C5orf52: variants seen among roughly 807,000 people sequenced by gnomAD.
C5orf52 encodes the protein uncharacterized protein C5orf52.
C5orf52 carries 15 observed loss-of-function variants against 16.8 expected under a neutral mutation model. The observed-to-expected ratio is 0.89, with a 90% CI of 0.60 to 1.38. C5orf52 has a LOEUF of 1.38. C5orf52 is among the 40% of genes most tolerant of loss of function. The pLI is 0.00. For synonymous variants in C5orf52, 83 were observed against 87.2 expected (o/e 0.95, Z 0.27); for missense variants, 206 against 213.1 (o/e 0.97, Z 0.21).
chr5:157,674,399 C>T (rs1378330996), intron 1 of C5orf52, among the ~76,000 whole-genome samples: 1 of 152,158 alleles, frequency 6.6e-6, no homozygotes, highest in Non-Finnish European at 1.5e-5. Flanking sequence ...CCTTCTGAAT[C>T]CTACCCTACA....
chr5:157,679,958 A>C lies in C5orf52; in HGVS notation c.439A>C (p.Ser147Arg). Residue 147 changes from serine to arginine, a missense_variant, in exon 3 of 3, where the codon AGC (serine) becomes CGC (arginine). Coordinates refer to ENST00000409999, the MANE Select transcript of C5orf52 (RefSeq NM_001145132.2). ...LGRWREESVN[S>R]NRYLTFGIPP... is the part of the protein sequence containing the mutation. ...GCGATGGAGAGAGGAATCCGTGAAC[A>C]GCAACCGGTACTTAACCTTCGGGAT... 1 of 1,551,732 alleles carries C rather than the reference A, an allele frequency of 6.4e-7. No individual in the cohort carries two copies. The highest frequency in any genetic ancestry group is 8.7e-7 in the Non-Finnish European group (1 of 1,147,000).
chr5:157,675,139 G>A lies in C5orf52; in HGVS notation c.260G>A (p.Ser87Asn), dbSNP rs1024615316. The A allele has an allele frequency of 2.6e-6, 4 of 1,551,496 alleles. No individual in the cohort carries two copies. Among genetic ancestry groups the A allele is most frequent in the Non-Finnish European group, 3.5e-6 (4 of 1,146,864 alleles). Reference protein sequence around the residue: ...EAAMKKTLPKSHLSRVIIHDN... With the variant: ...EAAMKKTLPKNHLSRVIIHDN... ...GCGATGAAAAAAACTTTACCCAAGA[G>A]CCATTTATCTCGGGTGATTATTCAT... The change falls in exon 2 of 3, where the codon AGC becomes AAC. Residue 87 changes from serine (S) to asparagine (N), a missense_variant. By Grantham distance (46) the Ser-to-Asn change is conservative (BLOSUM62 1). Coordinates refer to ENST00000409999, the MANE Select transcript of C5orf52 (RefSeq NM_001145132.2).
chr5:157,677,813 GTC>G (rs776167126), intron 2 of C5orf52, among the ~76,000 whole-genome samples: 39 of 151,776 alleles, frequency 2.6e-4, no homozygotes, highest in Non-Finnish European at 4.4e-4. Context: ...GTGAAACCCT[GTC>G]TCTACTAAAA....
At chr5:157,679,650 G>A (rs1759969895) in intron 2 of C5orf52, among the ~76,000 whole-genome samples, 191 bp from the exon 3 acceptor site, 2 of 152,102 alleles carry the variant, frequency 1.3e-5, no homozygotes, top group Admixed American at 6.6e-5. Flanking sequence ...GAGTTATCTA[G>A]CTTAATGCAT....
At chr5:157,677,586 C>T (rs770526857) in intron 2 of C5orf52, among the ~76,000 whole-genome samples, 5 of 147,074 alleles carry the variant, frequency 3.4e-5, no homozygotes, top group Admixed American at 1.4e-4. Context: ...CCCTGGAGGC[C>T]GAGGTTGCGA....
At chr5:157,676,636 G>C (rs1759898931) in intron 2 of C5orf52, among the ~76,000 whole-genome samples, 1 of 152,162 alleles carries the variant, frequency 6.6e-6, no homozygotes, top group Non-Finnish European at 1.5e-5. Context: ...TCCAGACTCT[G>C]CTTTCTCATT....
At chr5:157,676,535 A>AT (rs1280626719) in intron 2 of C5orf52, among the ~76,000 whole-genome samples, 2 of 152,166 alleles carry the variant, frequency 1.3e-5, no homozygotes, top group Non-Finnish European at 2.9e-5. Flanking sequence ...GGACCCGGGC[A>AT]TTTCTCTTTC....
At chr5:157,678,674 T>C (rs536411658) in intron 2 of C5orf52, among the ~76,000 whole-genome samples, 15 of 152,246 alleles carry the variant, frequency 9.9e-5, no homozygotes, top group Non-Finnish European at 2.2e-4. Flanking sequence ...TTGGCCAGGC[T>C]GATCTCAAAC....
At position 157,679,930 on chromosome 5, in the gene C5orf52, C is replaced by T. The variant is rs555792374; in HGVS notation, c.411C>T (p.Leu137=). 3.7e-5 allele frequency: 58 copies of T among 1,551,754 alleles called. No individual in the cohort carries two copies. The highest frequency in any genetic ancestry group is 3.3e-4 in the Middle Eastern group (2 of 5,992). ...TCATGACAGAGCAGCTCAGAAAGCTCGGGCGATGGAGAGAGGAATCCGTGA... is the reference window on the plus strand; with the variant it reads ...TCATGACAGAGCAGCTCAGAAAGCTTGGGCGATGGAGAGAGGAATCCGTGA... The part of the protein sequence containing the change: ...KKFMTEQLRK[L]GRWREESVNS... Residue 137 remains leucine, a synonymous_variant, in exon 3 of 3, where the codon CTC becomes CTT. Transcript: ENST00000409999.
At chr5:157,673,371 A>AGACAC (rs1201008974) in intron 1 of C5orf52, among the ~76,000 whole-genome samples, 2 of 151,450 alleles carry the variant, frequency 1.3e-5, no homozygotes, top group African/African-American at 4.9e-5. Flanking sequence ...AAGAAAAATA[A>AGACAC]GACTAGCAGC....
At position 157,678,939 on chromosome 5, in the gene C5orf52, C is replaced by A. The variant is rs184847550; in HGVS notation, c.322-902C>A. Among the ~76,000 whole-genome samples, 1,083 of 151,926 alleles carry A rather than the reference C, an allele frequency of 7.1e-3. 7 individuals are homozygous for A. Among genetic ancestry groups the A allele is most frequent in the South Asian group, 0.039 (185 of 4,792 alleles). Reference sequence around the variant, plus strand: ...CACGAGGTCAGGAGATCGAGACCATCCTGGCTAACATGGTGAAACCCCGTC... The same window carrying A: ...CACGAGGTCAGGAGATCGAGACCATACTGGCTAACATGGTGAAACCCCGTC... On this transcript the variant is annotated intron_variant, in intron 2 of 2. Transcript: ENST00000409999.
In C5orf52 at chr5:157,679,975, C is replaced by G. The variant is rs1423876106; in HGVS notation, c.456C>G (p.Thr152=). The change falls in exon 3 of 3, where the codon ACC becomes ACG. Residue 152 remains threonine, a synonymous_variant. Coordinates refer to ENST00000409999, the MANE Select transcript of C5orf52 (RefSeq NM_001145132.2). ...CCGTGAACAGCAACCGGTACTTAAC[C>G]TTCGGGATACCACCACCAGTTTAAA... ...EESVNSNRYL[T]FGIPPPV 1 of 1,551,520 alleles carries G rather than the reference C, an allele frequency of 6.4e-7. No individual in the cohort carries two copies. Among genetic ancestry groups the G allele is most frequent in the Admixed American group, 2.0e-5 (1 of 50,940 alleles).
At chr5:157,678,950 T>A (rs1228195243) in intron 2 of C5orf52, among the ~76,000 whole-genome samples, 1 of 151,806 alleles carries the variant, frequency 6.6e-6, no homozygotes, top group African/African-American at 2.4e-5. Context: ...CTGGCTAACA[T>A]GGTGAAACCC....
chr5:157,671,693 A>C lies in C5orf52; in HGVS notation c.79A>C (p.Thr27Pro), dbSNP rs766457680. Residue 27 changes from threonine (T) to proline (P), a missense_variant, in exon 1 of 3, where the codon ACC becomes CCC. Coordinates refer to ENST00000409999, the MANE Select transcript of C5orf52 (RefSeq NM_001145132.2). The stretch of plus-strand genomic sequence containing the variant: ...CGGCGGGACCGCCGCCCAGGCGACC[A>C]CCAGTTCCAGCGCCACCTCGGGTTC... ...TIGGTAAQAT[T>P]SSSATSGSNY... 8.4e-6 allele frequency: 13 copies of C among 1,551,288 alleles called. No homozygotes were observed. In the South Asian group the frequency reaches 1.4e-4, roughly 17 times the overall value.
Position 157,675,140 on chromosome 5 carries a change from C to A in C5orf52, c.261C>A (p.Ser87Arg). 1 of 1,551,504 alleles carries A rather than the reference C, an allele frequency of 6.4e-7. No homozygotes were observed. The highest frequency in any genetic ancestry group is 8.7e-7 in the Non-Finnish European group (1 of 1,146,814). ...CGATGAAAAAAACTTTACCCAAGAG[C>A]CATTTATCTCGGGTGATTATTCATG... is the stretch of plus-strand genomic sequence containing the variant. ...EAAMKKTLPK[S>R]HLSRVIIHDN... The change falls in exon 2 of 3, where the codon AGC (serine) becomes AGA (arginine). Residue 87 changes from serine to arginine, a missense_variant. Ser to Arg is a moderately radical substitution (Grantham distance 110, BLOSUM62 -1). Transcript: ENST00000409999.
rs779555624 is a variant in C5orf52, at chr5:157,675,184, G to A, written c.305G>A (p.Arg102Gln). The A allele has an allele frequency of 1.9e-5, 29 of 1,544,918 alleles. No individual in the cohort carries two copies. In the South Asian group the frequency reaches 2.5e-4, roughly 13 times the overall value. ...ATTCATGATAACCGCATCACACAAC[G>A]AATCTATGAGATGGAGGTAAAGTAG... Reference protein sequence around the residue: ...VIIHDNRITQRIYEMEVSALE... With the variant: ...VIIHDNRITQQIYEMEVSALE... The change falls in exon 2 of 3, where the codon CGA (arginine) becomes CAA (glutamine). Residue 102 changes from arginine to glutamine, a missense_variant. Coordinates refer to ENST00000409999, the MANE Select transcript of C5orf52 (RefSeq NM_001145132.2).
At chr5:157,678,307 G>A (rs924597036) in intron 2 of C5orf52, among the ~76,000 whole-genome samples, 6 of 152,160 alleles carry the variant, frequency 3.9e-5, no homozygotes. Flanking sequence ...TAGGTCTTCA[G>A]ATAATGTTAG....
chr5:157,679,865 A>G lies in C5orf52; in HGVS notation c.346A>G (p.Lys116Glu). ...MEVSALEKTK[K>E]KISHYYEHLK... ...GGTGAGCGCTTTAGAGAAGACCAAGAAAAAGATCAGCCACTACTATGAACA... is the reference window on the plus strand; with the variant it reads ...GGTGAGCGCTTTAGAGAAGACCAAGGAAAAGATCAGCCACTACTATGAACA... The change falls in exon 3 of 3, where the codon AAA (lysine) becomes GAA (glutamate). Residue 116 changes from lysine (K) to glutamate (E), a missense_variant. Physicochemically the swap from Lys to Glu is moderately conservative, Grantham distance 56. Transcript: ENST00000409999. 6.4e-7 allele frequency: 1 copy of G among 1,551,206 alleles called. No homozygotes were observed. Among genetic ancestry groups the G allele is most frequent in the Non-Finnish European group, 8.7e-7 (1 of 1,146,914 alleles).
At chr5:157,679,479 G>A (rs899085855) in intron 2 of C5orf52, among the ~76,000 whole-genome samples, 6 of 152,124 alleles carry the variant, frequency 3.9e-5, no homozygotes, top group African/African-American at 1.2e-4. Context: ...TGGGATTACA[G>A]GTGCCTACCA....
Sources: allele counts gnomAD v4.1 joint callset (sites outside exome capture counted in the v4.1 genomes callset), GRCh38; gene constraint gnomAD v4.1.1; transcripts MANE v1.5; gene names NCBI Gene and HGNC (gene_info 2026-07-23, HGNC 2026-07-21).